Variants in UNC13C observed in about 807,000 individuals in gnomAD.
UNC13C encodes the protein unc-13 homolog C.
UNC13C carries 174 observed loss-of-function variants against 245.4 expected under a neutral mutation model. That is an observed-to-expected ratio of 0.71 (90% confidence interval 0.63 to 0.80). The LOEUF (loss-of-function observed/expected upper bound fraction) is 0.80, where lower values mean the gene tolerates loss of function less well. Among genes scored for constraint, UNC13C ranks in the 30% least tolerant of loss-of-function variants. The probability of loss-of-function intolerance (pLI) is 0.00; values close to 1 mark genes in which losing one functional copy is unlikely to be tolerated. For missense variants in UNC13C, 2,829 were observed against 2,602.9 expected (o/e 1.09, Z -1.89); for synonymous variants, 992 against 895.1 (o/e 1.11, Z -1.93).
chr15:54,450,532 C>T (rs1891113793), intron 19 of UNC13C, among the ~76,000 whole-genome samples: 1 of 152,226 alleles, frequency 6.6e-6, no homozygotes, highest in Non-Finnish European at 1.5e-5. Flanking sequence ...GCTGTGCTAG[C>T]AATGAGCGAG....
intron 17 of UNC13C, among the ~76,000 whole-genome samples, chr15:54,372,330 C>T (rs1409554837): frequency 6.6e-6 from 1 of 151,786 alleles, no homozygotes; most frequent in African/African-American, 2.4e-5. Context: ...TATCAGTTAC[C>T]TTTTCCTTAA....
At position 54,379,849 on chromosome 15, in the gene UNC13C, T is replaced by C. The variant is rs568252411; in HGVS notation, c.4714-13199T>C. 7.2e-4 allele frequency among the ~76,000 whole-genome samples: 110 copies of C among 152,282 alleles called. 4 individuals carry two copies. The South Asian group carries it at 0.022, about 30-fold the overall frequency. On this transcript the variant is annotated intron_variant, in intron 17 of 32. Coordinates refer to ENST00000260323, the MANE Select transcript of UNC13C (RefSeq NM_001080534.3). ...GTATTTTTGGTATGGGTTTTAAAAT[T>C]ATTATTTTTTAGTTGAAAGATAAAT... is the stretch of plus-strand genomic sequence containing the variant.
At chr15:54,086,755 T>TTTTTTTTTTTTTTTATG in intron 2 of UNC13C, among the ~76,000 whole-genome samples, 1 of 142,490 alleles carries the variant, frequency 7.0e-6, no homozygotes. Context: ...TTTTTTTTTT[T>TTTTTTTTTTTTTTTATG]GAGATGGACT....
chr15:53,863,913 C>T, the UNC13C span, among the ~76,000 whole-genome samples: 2 of 152,124 alleles, frequency 1.3e-5, no homozygotes, highest in African/African-American at 4.8e-5. Context: ...TGGTGGAGTC[C>T]ACGATGTAGC....
intron 19 of UNC13C, among the ~76,000 whole-genome samples, chr15:54,469,531 C>T (rs900645291): frequency 2.0e-5 from 3 of 151,454 alleles, no homozygotes; most frequent in African/African-American, 7.3e-5. Context: ...GTTCAATCCC[C>T]TTATCTAAAA....
chr15:54,482,061 G>A (rs1245648980), intron 19 of UNC13C, among the ~76,000 whole-genome samples: 1 of 152,108 alleles, frequency 6.6e-6, no homozygotes, highest in African/African-American at 2.4e-5. Context: ...TATACACTTT[G>A]TCTCGCTTTT....
the UNC13C span, among the ~76,000 whole-genome samples, chr15:53,867,369 G>A: frequency 6.6e-6 from 1 of 152,118 alleles, no homozygotes; most frequent in African/African-American, 2.4e-5. Context: ...CATTAACAAC[G>A]TTTGATTTTG....
intron 18 of UNC13C, among the ~76,000 whole-genome samples, chr15:54,399,073 T>G (rs2040127922): frequency 1.3e-5 from 2 of 151,654 alleles, no homozygotes; most frequent in African/African-American, 4.8e-5. Flanking sequence ...AAGGTTAGAT[T>G]TGTGAAATAA....
At chr15:53,851,978 C>T in the UNC13C span, among the ~76,000 whole-genome samples, 1 of 152,132 alleles carries the variant, frequency 6.6e-6, no homozygotes, top group African/African-American at 2.4e-5. Context: ...AATGTGCTTC[C>T]CTGAGTTCTG....
intron 1 of UNC13C, among the ~76,000 whole-genome samples, chr15:53,984,618 C>T (rs1894055499): frequency 6.6e-6 from 1 of 152,176 alleles, no homozygotes; most frequent in Admixed American, 6.5e-5. Flanking sequence ...AGGAAGTTCT[C>T]AGTGAGCACT....
chr15:53,987,672 G>A (rs569353503), intron 1 of UNC13C, among the ~76,000 whole-genome samples: 6 of 152,088 alleles, frequency 3.9e-5, no homozygotes, highest in South Asian at 2.1e-4. Context: ...AAGATGGGGC[G>A]GGACTGTCAT....
the UNC13C span, among the ~76,000 whole-genome samples, chr15:53,963,699 G>A: frequency 6.6e-6 from 1 of 152,184 alleles, no homozygotes; most frequent in Non-Finnish European, 1.5e-5. Context: ...TGTTAAAGAT[G>A]AGTCTGCAGA....
At chr15:53,914,292 A>T in the UNC13C span, 1 of 152,214 alleles carries the variant, frequency 6.6e-6, no homozygotes, top group Non-Finnish European at 1.5e-5. Flanking sequence ...GTGCACCTCC[A>T]CTTGTTATAT....
intron 1 of UNC13C, among the ~76,000 whole-genome samples, chr15:53,990,742 A>T (rs547961059): frequency 6.6e-6 from 1 of 152,002 alleles, no homozygotes; most frequent in South Asian, 2.1e-4. Flanking sequence ...GCATTTCCTC[A>T]GTGGCTTAAC....
At chr15:53,911,676 C>A in the UNC13C span, 1 of 152,178 alleles carries the variant, frequency 6.6e-6, no homozygotes, top group Non-Finnish European at 1.5e-5. Context: ...AAGTGGCTGA[C>A]GGCAGCCATA....
chr15:53,922,109 A>G, the UNC13C span, among the ~76,000 whole-genome samples: 2 of 152,218 alleles, frequency 1.3e-5, no homozygotes, highest in South Asian at 4.1e-4. Context: ...TTTAAATACC[A>G]TGATAAAGTG....
intron 24 of UNC13C, among the ~76,000 whole-genome samples, chr15:54,519,411 A>G (rs1412240920): frequency 1.3e-5 from 2 of 151,944 alleles, no homozygotes; most frequent in Non-Finnish European, 2.9e-5. Flanking sequence ...TTTTTCCTTC[A>G]GTTGTCTAGA....
chr15:54,577,723 C>T (rs56384250), intron 30 of UNC13C, among the ~76,000 whole-genome samples: 5 of 152,288 alleles, frequency 3.3e-5, no homozygotes, highest in Non-Finnish European at 7.3e-5. Context: ...AGCAGTTCCA[C>T]TTTCCCTTGT....
intron 4 of UNC13C, among the ~76,000 whole-genome samples, chr15:54,231,076 T>G (rs12902194): frequency 6.6e-6 from 1 of 151,782 alleles, no homozygotes; most frequent in Non-Finnish European, 1.5e-5. Flanking sequence ...GAAGAACACT[T>G]GAATACTTGG....
Sources: gnomAD v4.1 joint callset for allele counts (sites outside exome capture counted in the v4.1 genomes callset) on GRCh38, gnomAD v4.1.1 for gene constraint, MANE v1.5 for transcripts, NCBI Gene and HGNC (gene_info 2026-07-23, HGNC 2026-07-21) for gene names.